The following ROS1 variants were observed in gnomAD, a reference collection of about 807,000 sequenced individuals.
ROS1 encodes the protein proto-oncogene tyrosine-protein kinase ROS.
Under a neutral mutation model 273.5 loss-of-function variants are expected in ROS1, and 263 were observed. The ratio of observed to expected loss-of-function variants is 0.96; its 90% CI spans 0.87 to 1.06. The LOEUF is 1.06. Ranked by LOEUF, ROS1 falls within the 50% of genes least tolerant of loss-of-function variation. The pLI, the probability that ROS1 is intolerant of heterozygous loss-of-function variation, is 0.00. For missense variants in ROS1, 2,833 were observed against 2,751.1 expected, an observed-to-expected ratio of 1.03 and a Z score of -0.67; for synonymous variants, 1,008 against 954.1, an observed-to-expected ratio of 1.06 and a Z score of -1.04.
At chr6:117,409,753 C>G (rs969435497) in intron 4 of ROS1, 111 bp from the exon 5 acceptor site, 1 of 782,082 alleles carries the variant, frequency 1.3e-6, no homozygotes, top group Admixed American at 1.9e-5. Flanking sequence ...ATATCTTTGA[C>G]CAATATACGA....
intron 27 of ROS1, among the ~76,000 whole-genome samples, chr6:117,348,771 G>A (rs767845399): frequency 1.1e-4 from 17 of 151,674 alleles, no homozygotes; most frequent in East Asian, 5.8e-4. Flanking sequence ...ACTGATTCCC[G>A]TAAGTTTTGA....
intron 39 of ROS1, among the ~76,000 whole-genome samples, chr6:117,316,611 GCAGA>G (rs572645967): frequency 4.0e-4 from 61 of 152,180 alleles, no homozygotes; most frequent in Admixed American, 1.8e-3. Context: ...CGTTTTGCAG[GCAGA>G]GTTTGTTAGC....
chr6:117,341,002 G>A (rs1258072228), intron 31 of ROS1, 133 bp downstream of exon 31: 4 of 623,276 alleles, frequency 6.4e-6, no homozygotes, highest in Non-Finnish European at 1.1e-5. Flanking sequence ...CACTGCTTCT[G>A]CATGCCAAAC....
chr6:117,324,810 G>A (rs958578383), intron 34 of ROS1, among the ~76,000 whole-genome samples: 2 of 151,992 alleles, frequency 1.3e-5, no homozygotes, highest in Non-Finnish European at 2.9e-5. Context: ...TTAAACTGAG[G>A]AATAAACATG....
At chr6:117,304,570 A>C (rs1318109036) in intron 42 of ROS1, among the ~76,000 whole-genome samples, 1 of 152,192 alleles carries the variant, frequency 6.6e-6, no homozygotes, top group Non-Finnish European at 1.5e-5. Context: ...AACAGTTCAT[A>C]AGTTTTAAAT....
rs149390376 is a variant in ROS1 at position 117,329,351 on chromosome 6, T to C, written c.5326A>G (p.Thr1776Ala). Reference sequence around the variant, plus strand: ...TACCTTATCTCAAGGATATAGTATGTAATTCTACATCCATTATCTTCAGCT... The same window carrying C: ...TACCTTATCTCAAGGATATAGTATGCAATTCTACATCCATTATCTTCAGCT... ...EKAEDNGCRI[T>A]YYILEIRKST... is the part of the protein sequence containing the mutation. Residue 1776 changes from threonine to alanine, a missense_variant, in exon 33 of 44, where the codon ACA (threonine) becomes GCA (alanine). Physicochemically the swap from Thr to Ala is moderately conservative, Grantham distance 58 (BLOSUM62 0). Coordinates refer to ENST00000368507, the MANE Select transcript of ROS1 (RefSeq NM_001378902.1). The C allele has an allele frequency of 4.4e-5, 68 of 1,531,660 alleles. No homozygotes were observed. The highest frequency in any genetic ancestry group is 6.7e-5 in the Admixed American group (4 of 59,620). 94.9% of individuals were successfully genotyped at this position (1,531,660 alleles called of 1,614,324 possible). A position where few individuals can be genotyped will look rare whatever the true frequency, so the allele number is the denominator to read the frequency against.
intron 7 of ROS1, among the ~76,000 whole-genome samples, chr6:117,402,820 G>A (rs1582860101): frequency 6.6e-6 from 1 of 151,500 alleles, no homozygotes; most frequent in Non-Finnish European, 1.5e-5. Flanking sequence ...CCCAGGAGGT[G>A]GAGGTTGCAG....
Position 117,409,582 on chromosome 6 carries a change from C to T in ROS1, c.316G>A (p.Glu106Lys), listed in dbSNP as rs771857560. The T allele has an allele frequency of 2.0e-5, 33 of 1,612,438 alleles. No individual in the cohort carries two copies. The highest frequency in any genetic ancestry group is 2.8e-5 in the Non-Finnish European group (33 of 1,178,666). ...AEGAYEEEVL[E>K]NADLPTAPFA... Reference sequence around the variant, plus strand: ...TTAAAAGTCGTGTGTGTCCTCTTACCCAGTACTTCCTCTTCATATGCACCT... The same window carrying T: ...TTAAAAGTCGTGTGTGTCCTCTTACTCAGTACTTCCTCTTCATATGCACCT... The change falls in exon 5 of 44, where the codon GAA (glutamate) becomes AAA (lysine). Residue 106 changes from glutamate to lysine, a missense_variant and splice_region_variant. Transcript: ENST00000368507.
chr6:117,352,594 G>C (rs1778966245), intron 27 of ROS1, among the ~76,000 whole-genome samples: 2 of 152,268 alleles, frequency 1.3e-5, no homozygotes, highest in Non-Finnish European at 1.5e-5. Flanking sequence ...ATACTGCATA[G>C]TAACAGAAGT....
chr6:117,415,008 A>G (rs932784293), intron 3 of ROS1, among the ~76,000 whole-genome samples: 1 of 152,242 alleles, frequency 6.6e-6, no homozygotes, highest in Non-Finnish European at 1.5e-5. Context: ...TCATTCCTTC[A>G]GCAAATGTTG....
chr6:117,322,406 C>T (rs892431751), intron 35 of ROS1, among the ~76,000 whole-genome samples: 2 of 152,120 alleles, frequency 1.3e-5, no homozygotes, highest in Non-Finnish European at 2.9e-5. Context: ...GAGTGCTTAT[C>T]CTATGCACTG....
chr6:117,310,999 G>C (rs2128549678), intron 40 of ROS1, 21 bp downstream of exon 40: 13 of 1,485,462 alleles, frequency 8.8e-6, no homozygotes, highest in Non-Finnish European at 1.2e-5. Flanking sequence ...TAATAACCCT[G>C]TATCCAGAAG....
chr6:117,354,913 G>A (rs904484447), intron 26 of ROS1, among the ~76,000 whole-genome samples: 1 of 152,192 alleles, frequency 6.6e-6, no homozygotes, highest in East Asian at 1.9e-4. Context: ...ACTGAGTGAG[G>A]AAGTCATTGG....
intron 3 of ROS1, among the ~76,000 whole-genome samples, chr6:117,414,757 T>G (rs932835128): frequency 2.6e-5 from 4 of 152,132 alleles, no homozygotes; most frequent in African/African-American, 9.7e-5. Context: ...TTTGCATCAC[T>G]GGAAAAATGG....
At chr6:117,361,373 A>G (rs988884557) in intron 22 of ROS1, among the ~76,000 whole-genome samples, 1 of 150,770 alleles carries the variant, frequency 6.6e-6, no homozygotes, top group Admixed American at 6.6e-5. Flanking sequence ...AGTATTAAAC[A>G]TATTTTACTG....
At chr6:117,404,785 A>G (rs968403884) in intron 5 of ROS1, among the ~76,000 whole-genome samples, 43 of 152,210 alleles carry the variant, frequency 2.8e-4, no homozygotes, top group Admixed American at 2.8e-3. Flanking sequence ...CTGTGGCACA[A>G]CAGAACCATC....
In ROS1 at chr6:117,320,286, T is replaced by C. The variant is rs576758197; in HGVS notation, c.5760-256A>G. ...TAATTTTGATAAAAATATATATGTG[T>C]ATGCATTGCCTCAACACTTTTATTG... On this transcript the variant is annotated intron_variant, in intron 36 of 43. Transcript: ENST00000368507. Among the ~76,000 whole-genome samples, 105 of 152,164 alleles carry C rather than the reference T, an allele frequency of 6.9e-4. 1 individual carries two copies. The highest frequency in any genetic ancestry group is 1.3e-3 in the Non-Finnish European group (88 of 68,020).
chr6:117,408,686 T>C (rs1056301354), intron 5 of ROS1, among the ~76,000 whole-genome samples: 35 of 152,102 alleles, frequency 2.3e-4, no homozygotes, highest in African/African-American at 7.2e-4. Context: ...ACTAGAAATA[T>C]CATTTGACCC....
intron 27 of ROS1, among the ~76,000 whole-genome samples, chr6:117,348,154 A>C (rs1390216603): frequency 6.6e-6 from 1 of 152,038 alleles, no homozygotes; most frequent in Non-Finnish European, 1.5e-5. Context: ...GACATTGTAG[A>C]GATGGTATAA....
Sources: allele counts gnomAD v4.1 joint callset (sites outside exome capture counted in the v4.1 genomes callset), GRCh38; gene constraint gnomAD v4.1.1; transcripts MANE v1.5; gene names NCBI Gene and HGNC (gene_info 2026-07-23, HGNC 2026-07-21).